The following GPHN variants were observed in gnomAD, a reference collection of about 807,000 sequenced individuals.
The protein encoded by GPHN is gephyrin.
Under a neutral mutation model 95.5 loss-of-function variants are expected in GPHN, and 17 were observed. The ratio of observed to expected loss-of-function variants is 0.18; its 90% confidence interval spans 0.12 to 0.27. The LOEUF is 0.27. GPHN is among the 10% of genes least tolerant of loss of function. The pLI is 1.00. For synonymous variants in GPHN, 320 were observed against 322.5 expected (o/e 0.99, Z 0.08); for missense variants, 660 against 978.1 (o/e 0.67, Z 4.34).
intron 10 of GPHN, among the ~76,000 whole-genome samples, chr14:67,032,561 A>G (rs571766963): frequency 6.6e-6 from 1 of 152,274 alleles, no homozygotes; most frequent in African/African-American, 2.4e-5. Context: ...ACTGAGAATA[A>G]GGAACAGTGA....
the GPHN span, among the ~76,000 whole-genome samples, chr14:67,293,913 TC>T: frequency 6.6e-6 from 1 of 151,846 alleles, no homozygotes; most frequent in African/African-American, 2.4e-5. Context: ...GCAAGACAGA[TC>T]ACAATTGCTC....
chr14:66,599,391 C>CTTTTCTTTT (rs1566679513), intron 1 of GPHN, among the ~76,000 whole-genome samples: 1 of 74,046 alleles, frequency 1.4e-5, no homozygotes, highest in African/African-American at 1.6e-4. Context: ...TTTTTTTTTG[C>CTTTTCTTTT]ATTTTTTTTT....
the GPHN span, chr14:67,706,247 G>A: frequency 6.6e-6 from 1 of 152,248 alleles, no homozygotes; most frequent in East Asian, 1.9e-4. Context: ...AGCAATGCAC[G>A]TCTCTAATTT....
At chr14:67,276,575 A>G in the GPHN span, among the ~76,000 whole-genome samples, 2 of 152,192 alleles carry the variant, frequency 1.3e-5, no homozygotes, top group African/African-American at 4.8e-5. Flanking sequence ...TAAGCACTGG[A>G]GCTATAAAAG....
chr14:67,226,358 GT>G, the GPHN span, among the ~76,000 whole-genome samples: 1 of 145,172 alleles, frequency 6.9e-6, no homozygotes, highest in African/African-American at 2.6e-5. Flanking sequence ...CAACCAGCTA[GT>G]TTTTTTTGTT....
chr14:67,193,122 A>C, the GPHN span, among the ~76,000 whole-genome samples: 1 of 143,842 alleles, frequency 7.0e-6, no homozygotes, highest in Non-Finnish European at 1.5e-5. Flanking sequence ...ATATCTCTCT[A>C]TATATCTCTA....
At chr14:67,710,100 G>C in the GPHN span, among the ~76,000 whole-genome samples, 1 of 152,164 alleles carries the variant, frequency 6.6e-6, no homozygotes, top group Non-Finnish European at 1.5e-5. Context: ...TTTCCAGACT[G>C]AACCAATGTA....
chr14:67,143,844 C>A (rs1306700765), intron 18 of GPHN, among the ~76,000 whole-genome samples: 1 of 151,994 alleles, frequency 6.6e-6, no homozygotes, highest in East Asian at 1.9e-4. Flanking sequence ...ACCATATATT[C>A]CAAATCTACC....
At chr14:66,899,075 A>G (rs1369976762) in intron 5 of GPHN, among the ~76,000 whole-genome samples, 1 of 150,272 alleles carries the variant, frequency 6.7e-6, no homozygotes. Flanking sequence ...TTTATATTCT[A>G]CAGCCTTGCT....
At chr14:66,769,618 C>T (rs2059090630) in intron 2 of GPHN, among the ~76,000 whole-genome samples, 1 of 152,064 alleles carries the variant, frequency 6.6e-6, no homozygotes, top group Non-Finnish European at 1.5e-5. Context: ...AAGATAATGG[C>T]CTCCAGCTCC....
chr14:67,725,257 G>A, the GPHN span: 1 of 1,612,956 alleles, frequency 6.2e-7, no homozygotes, highest in South Asian at 1.1e-5. Context: ...TCTGGCAGGT[G>A]AGGTCCTGAT....
At chr14:66,721,748 T>A (rs1334207362) in intron 2 of GPHN, among the ~76,000 whole-genome samples, 2 of 151,980 alleles carry the variant, frequency 1.3e-5, no homozygotes, top group African/African-American at 4.8e-5. Flanking sequence ...GTCAGGAGTT[T>A]GAGACCAGTC....
At chr14:67,146,872 A>G (rs1176296733) in intron 18 of GPHN, among the ~76,000 whole-genome samples, 3 of 152,136 alleles carry the variant, frequency 2.0e-5, no homozygotes, top group Non-Finnish European at 4.4e-5. Flanking sequence ...CACCTCTACT[A>G]AAAATAAAAA....
At chr14:66,936,784 G>T (rs888100680) in intron 8 of GPHN, among the ~76,000 whole-genome samples, 7 of 152,216 alleles carry the variant, frequency 4.6e-5, no homozygotes, top group South Asian at 4.1e-4. Flanking sequence ...AGACTGGAAT[G>T]AATTTATAAA....
chr14:66,572,440 T>A (rs1241238671), intron 1 of GPHN, among the ~76,000 whole-genome samples: 1 of 152,150 alleles, frequency 6.6e-6, no homozygotes, highest in Admixed American at 6.5e-5. Flanking sequence ...TTCGTACTTT[T>A]CAGTGTGCAG....
At chr14:67,684,317 G>C in the GPHN span, among the ~76,000 whole-genome samples, 1 of 152,070 alleles carries the variant, frequency 6.6e-6, no homozygotes. Flanking sequence ...TTAAAATTTT[G>C]ATCTTATGTG....
At chr14:67,112,817 G>A (rs570435962) in intron 15 of GPHN, among the ~76,000 whole-genome samples, 1 of 152,064 alleles carries the variant, frequency 6.6e-6, no homozygotes, top group African/African-American at 2.4e-5. Context: ...TCCTATTTCT[G>A]TTTTCTGTTG....
intron 10 of GPHN, among the ~76,000 whole-genome samples, chr14:67,024,130 G>C (rs1760549952): frequency 6.6e-6 from 1 of 152,098 alleles, no homozygotes; most frequent in South Asian, 2.1e-4. Flanking sequence ...GCATGTGTTA[G>C]AACATAGAAC....
the GPHN span, chr14:67,685,033 A>T: frequency 1.9e-6 from 3 of 1,608,654 alleles, no homozygotes; most frequent in South Asian, 3.3e-5. Context: ...ATTCCCACTT[A>T]GAATCTCAAG....
Sources: allele counts gnomAD v4.1 joint callset (sites outside exome capture counted in the v4.1 genomes callset), GRCh38; gene constraint gnomAD v4.1.1; transcripts MANE v1.5; gene names NCBI Gene and HGNC (gene_info 2026-07-23, HGNC 2026-07-21).